SVOP: variants seen among roughly 807,000 people sequenced by gnomAD.
SVOP encodes SV2 related protein, also known as synaptic vesicle 2-related protein.
SVOP carries 17 observed loss-of-function variants against 69.1 expected under a neutral mutation model. That is an observed-to-expected ratio of 0.25 (90% CI 0.17 to 0.37). The LOEUF (loss-of-function observed/expected upper bound fraction) is 0.37, where lower values mean the gene tolerates loss of function less well. SVOP is among the 10% of genes least tolerant of loss of function. The pLI is 1.00. For synonymous variants in SVOP, 238 were observed against 238.6 expected (o/e 1.00, Z 0.02); for missense variants, 435 against 597.5 (o/e 0.73, Z 2.84).
intron 7 of SVOP, among the ~76,000 whole-genome samples, chr12:108,941,784 C>T (rs1279472176): frequency 6.6e-6 from 1 of 152,118 alleles, no homozygotes; most frequent in Non-Finnish European, 1.5e-5. Flanking sequence ...GCCTCAGCCT[C>T]CCGAGTAGCT....
chr12:108,999,822 G>C (rs1220644466), intron 1 of SVOP, among the ~76,000 whole-genome samples: 1 of 151,008 alleles, frequency 6.6e-6, no homozygotes, highest in East Asian at 1.9e-4. Context: ...AGTGTGTAGA[G>C]GGAAATTTAT....
At chr12:108,992,661 A>G (rs2040208667) in intron 1 of SVOP, among the ~76,000 whole-genome samples, 1 of 152,178 alleles carries the variant, frequency 6.6e-6, no homozygotes, top group Non-Finnish European at 1.5e-5. Flanking sequence ...GCTCACATAG[A>G]TATGAGTCCG....
At chr12:109,016,851 T>C (rs1293739676) in intron 1 of SVOP, among the ~76,000 whole-genome samples, 1 of 151,492 alleles carries the variant, frequency 6.6e-6, no homozygotes, top group African/African-American at 2.4e-5. Context: ...CAAGCAATCC[T>C]CCTGCCTCAG....
At chr12:108,943,869 TTCC>T (rs1379529592) in intron 7 of SVOP, among the ~76,000 whole-genome samples, 2 of 100,488 alleles carry the variant, frequency 2.0e-5, no homozygotes, top group Non-Finnish European at 5.2e-5. Context: ...CTTCTTCCTC[TTCC>T]TCTTCTTCTT....
At chr12:108,979,283 A>G (rs965284751) in intron 2 of SVOP, among the ~76,000 whole-genome samples, 1 of 152,100 alleles carries the variant, frequency 6.6e-6, no homozygotes, top group Non-Finnish European at 1.5e-5. Flanking sequence ...TCTGTTGCCC[A>G]GGCTGGAACT....
At chr12:108,958,415 C>T (rs1475849610) in intron 6 of SVOP, among the ~76,000 whole-genome samples, 1 of 151,954 alleles carries the variant, frequency 6.6e-6, no homozygotes, top group Non-Finnish European at 1.5e-5. Flanking sequence ...TTTAGCACAG[C>T]TACATGCTGT....
chr12:108,963,629 G>A (rs2040029174), intron 5 of SVOP, among the ~76,000 whole-genome samples: 1 of 152,098 alleles, frequency 6.6e-6, no homozygotes, highest in Admixed American at 6.5e-5. Flanking sequence ...TGGTATTACA[G>A]GTTTGCACCA....
At chr12:108,993,469 A>C (rs1351190750) in intron 1 of SVOP, among the ~76,000 whole-genome samples, 1 of 152,132 alleles carries the variant, frequency 6.6e-6, no homozygotes, top group African/African-American at 2.4e-5. Context: ...TCGAAAGAGC[A>C]CCTGCTTTGT....
At chr12:108,917,619 C>T (rs1396713285) in intron 14 of SVOP, among the ~76,000 whole-genome samples, 1 of 151,624 alleles carries the variant, frequency 6.6e-6, no homozygotes, top group African/African-American at 2.4e-5. Flanking sequence ...ATCTTGTCCA[C>T]ATCAATACAT....
intron 12 of SVOP, among the ~76,000 whole-genome samples, chr12:108,921,603 G>A (rs1203457179): frequency 1.3e-5 from 2 of 152,140 alleles, no homozygotes; most frequent in African/African-American, 2.4e-5. Context: ...GGGCAAGGAC[G>A]CTGGGGTATT....
intron 1 of SVOP, 36 bp from the exon 2 acceptor site, chr12:108,983,797 A>C (rs1247335375): frequency 1.0e-5 from 4 of 398,660 alleles, no homozygotes; most frequent in Non-Finnish European, 1.8e-5. Context: ...AGATGGCTAA[A>C]GCTTCCCCCA....
At chr12:109,018,097 AATGG>A (rs201477291) in intron 1 of SVOP, among the ~76,000 whole-genome samples, 1,341 of 34,174 alleles carry the variant, frequency 0.039, 13 homozygotes, top group African/African-American at 0.12. Context: ...TCAGTGAAAG[AATGG>A]ATGGATGAAT....
chr12:109,020,594 C>A (rs536890856), intron 1 of SVOP, among the ~76,000 whole-genome samples: 1 of 152,150 alleles, frequency 6.6e-6, no homozygotes, highest in South Asian at 2.1e-4. Flanking sequence ...TCATAACCCC[C>A]GTGGTTCCCC....
At chr12:109,017,533 A>T (rs2040374066) in intron 1 of SVOP, among the ~76,000 whole-genome samples, 1 of 152,018 alleles carries the variant, frequency 6.6e-6, no homozygotes, top group African/African-American at 2.4e-5. Context: ...TTTTTTTAAA[A>T]TTTTACATTA....
chr12:108,946,365 G>A (rs894722918), intron 6 of SVOP, among the ~76,000 whole-genome samples: 7 of 151,960 alleles, frequency 4.6e-5, no homozygotes, highest in South Asian at 2.1e-4. Context: ...TTCCCAAAGC[G>A]CTAGGATTAC....
At chr12:108,950,175 G>T (rs751794497) in intron 6 of SVOP, among the ~76,000 whole-genome samples, 41 of 149,372 alleles carry the variant, frequency 2.7e-4, no homozygotes, top group Non-Finnish European at 5.3e-4. Flanking sequence ...AGATTCTCCT[G>T]CCTCAGGCTC....
intron 6 of SVOP, among the ~76,000 whole-genome samples, chr12:108,951,871 T>A (rs1210817472): frequency 1.3e-5 from 2 of 152,186 alleles, no homozygotes; most frequent in Non-Finnish European, 2.9e-5. Context: ...CTGCAGCACA[T>A]CCCATCAAGA....
chr12:108,953,153 C>CT (rs1383065841), intron 6 of SVOP, among the ~76,000 whole-genome samples: 6 of 102,208 alleles, frequency 5.9e-5, no homozygotes, highest in South Asian at 3.0e-4. Context: ...TTTTTTTTTT[C>CT]TTTTTTTTTT....
intron 6 of SVOP, among the ~76,000 whole-genome samples, chr12:108,957,482 C>T (rs1309241646): frequency 1.3e-5 from 2 of 152,126 alleles, no homozygotes; most frequent in African/African-American, 2.4e-5. Context: ...CTTTAAGCAA[C>T]AGCTGCTACC....
Sources: allele counts gnomAD v4.1 joint callset (sites outside exome capture counted in the v4.1 genomes callset), GRCh38; gene constraint gnomAD v4.1.1; transcripts MANE v1.5; gene names NCBI Gene and HGNC (gene_info 2026-07-23, HGNC 2026-07-21).